MEGF10: variants seen among roughly 807,000 people sequenced by gnomAD.
The protein encoded by MEGF10 is multiple EGF like domains 10, also known as multiple epidermal growth factor-like domains protein 10.
Under a neutral mutation model 147.5 loss-of-function variants are expected in MEGF10, and 86 were observed. The observed-to-expected ratio is 0.58, with a 90% CI of 0.49 to 0.70. MEGF10 has a LOEUF of 0.70. Among genes scored for constraint, MEGF10 ranks in the 30% least tolerant of loss-of-function variants. The pLI is 0.00. For missense variants in MEGF10, 1,329 were observed against 1,487.3 expected (o/e 0.89, Z 1.75); for synonymous variants, 478 against 525.5 (o/e 0.91, Z 1.24).
intron 2 of MEGF10, among the ~76,000 whole-genome samples, chr5:127,337,497 C>T (rs760056240): frequency 2.0e-5 from 3 of 151,922 alleles, no homozygotes; most frequent in Non-Finnish European, 4.4e-5. Context: ...CTCAGGACAC[C>T]GCTAGGGTTC....
chr5:127,427,000 G>A (rs1323413424), intron 13 of MEGF10, among the ~76,000 whole-genome samples: 1 of 152,218 alleles, frequency 6.6e-6, no homozygotes, highest in Non-Finnish European at 1.5e-5. Context: ...AGATTATGGA[G>A]CCTCTGCCCA....
intron 8 of MEGF10, among the ~76,000 whole-genome samples, chr5:127,405,490 G>T (rs1438356193): frequency 6.6e-6 from 1 of 152,036 alleles, no homozygotes; most frequent in Non-Finnish European, 1.5e-5. Context: ...AAACTTTCAA[G>T]GTAATTTTAA....
In MEGF10 at chr5:127,410,536, T is replaced by C; in HGVS notation, c.1065T>C (p.Cys355=). ...GCGAGCGCTGCGAAGCACGCCTGTG[T>C]CCTGAGGGGCTCTACGGCATCAAAT... is the stretch of plus-strand genomic sequence containing the variant. ...FAGERCEARL[C]PEGLYGIKCD... Residue 355 remains cysteine (C), a synonymous_variant, in exon 9 of 25, where the codon TGT becomes TGC. Transcript: ENST00000503335. 6.2e-7 allele frequency: 1 copy of C among 1,613,604 alleles called. No individual in the cohort carries two copies.
At position 127,461,211 on chromosome 5, in the gene MEGF10, T is replaced by A. The variant is rs1766546898; in HGVS notation, c.*3893T>A. The A allele has an allele frequency of 6.6e-6, 1 of 152,340 alleles. No individual in the cohort carries two copies. The highest frequency in any genetic ancestry group is 2.4e-5 in the African/African-American group (1 of 41,578). The allele number at this position is 152,340 out of a possible 1,614,324, so 9.4% of individuals were successfully genotyped here. On this transcript the variant is annotated 3_prime_UTR_variant, in exon 25 of 25. Transcript: ENST00000503335. Reference sequence around the variant, plus strand: ...GTTTATAGATTAATGCAATAAACTTTCTAATAAAAAACTCTAGTGTTTCTT... The same window carrying A: ...GTTTATAGATTAATGCAATAAACTTACTAATAAAAAACTCTAGTGTTTCTT...
Position 127,452,625 on chromosome 5 carries a change from C to T in MEGF10, c.2981-1941C>T, listed in dbSNP as rs1766196519. On this transcript the variant is annotated intron_variant, in intron 22 of 24. Coordinates refer to ENST00000503335, the MANE Select transcript of MEGF10 (RefSeq NM_001256545.2). ...ACTCCCATCATGTAGACATGATTGA[C>T]CTTTAGTCTTTCCCCTTCCAGAGGT... 2.0e-5 allele frequency among the ~76,000 whole-genome samples: 3 copies of T among 152,106 alleles called. No individual in the cohort carries two copies. The South Asian group carries it at 6.2e-4, about 32-fold the overall frequency.
At chr5:127,401,014 C>A (rs180955669) in intron 7 of MEGF10, among the ~76,000 whole-genome samples, 62 of 152,220 alleles carry the variant, frequency 4.1e-4, no homozygotes, top group East Asian at 3.7e-3. Context: ...AAATCATGTC[C>A]TCTTTAAAGC....
chr5:127,425,089 T>C (rs1765165365), intron 13 of MEGF10, among the ~76,000 whole-genome samples: 1 of 152,184 alleles, frequency 6.6e-6, no homozygotes, highest in African/African-American at 2.4e-5. Flanking sequence ...GTCCACCTGC[T>C]TTGATGATTT....
chr5:127,322,680 T>C (rs1049384659), intron 1 of MEGF10, among the ~76,000 whole-genome samples: 5 of 152,230 alleles, frequency 3.3e-5, no homozygotes, highest in African/African-American at 1.2e-4. Flanking sequence ...GCAAAGCATT[T>C]GAAAAGTGTC....
the MEGF10 span, among the ~76,000 whole-genome samples, chr5:127,282,856 A>G: frequency 1.3e-5 from 2 of 152,208 alleles, no homozygotes; most frequent in Non-Finnish European, 2.9e-5. Context: ...AGTCAAATGA[A>G]TGCTCTCTCC....
At chr5:127,244,789 C>A in the MEGF10 span, among the ~76,000 whole-genome samples, 1 of 152,038 alleles carries the variant, frequency 6.6e-6, no homozygotes, top group African/African-American at 2.4e-5. Flanking sequence ...AAGCCTGGTT[C>A]AGATTTGCAA....
At chr5:127,265,447 G>C in the MEGF10 span, among the ~76,000 whole-genome samples, 1 of 152,010 alleles carries the variant, frequency 6.6e-6, no homozygotes, top group Non-Finnish European at 1.5e-5. Context: ...TAATGGGATG[G>C]CTGGGTCAAA....
At chr5:127,329,174 C>T (rs1454139807) in intron 1 of MEGF10, among the ~76,000 whole-genome samples, 1 of 152,130 alleles carries the variant, frequency 6.6e-6, no homozygotes, top group African/African-American at 2.4e-5. Context: ...GATTTTACAA[C>T]TTCATGATGC....
chr5:127,324,430 C>T (rs1473905668), intron 1 of MEGF10, among the ~76,000 whole-genome samples: 1 of 152,116 alleles, frequency 6.6e-6, no homozygotes, highest in African/African-American at 2.4e-5. Context: ...GAATATATAA[C>T]CAGGGGATTC....
chr5:127,247,861 G>A, the MEGF10 span, among the ~76,000 whole-genome samples: 52 of 152,200 alleles, frequency 3.4e-4, no homozygotes, highest in Non-Finnish European at 6.8e-4. Context: ...TCCAGAGAGG[G>A]AGAAGCAGTA....
intron 5 of MEGF10, among the ~76,000 whole-genome samples, chr5:127,372,129 T>A (rs1240481937): frequency 1.3e-5 from 2 of 152,198 alleles, no homozygotes; most frequent in Non-Finnish European, 2.9e-5. Context: ...ATGGCCTAAT[T>A]TCTAAGGATT....
chr5:127,397,241 A>C (rs1252050841), intron 6 of MEGF10, among the ~76,000 whole-genome samples: 2 of 152,226 alleles, frequency 1.3e-5, no homozygotes, highest in African/African-American at 4.8e-5. Context: ...GGAAGGTGTT[A>C]AAAATAATCC....
Position 127,440,746 on chromosome 5 carries a change from T to C in MEGF10, c.2241T>C (p.Pro747=). The C allele has an allele frequency of 6.2e-7, 1 of 1,614,040 alleles. No individual in the cohort carries two copies. Among genetic ancestry groups the C allele is most frequent in the African/African-American group, 1.3e-5 (1 of 75,046 alleles). The part of the protein sequence containing the change: ...WTGLYCTQRC[P]LGFYGKDCAL... The stretch of plus-strand genomic sequence containing the variant: ...TCCTCCCTCCTCCCACAGGATGTCC[T>C]CTAGGGTTTTATGGAAAAGATTGTG... The change falls in exon 18 of 25, where the codon CCT becomes CCC. Residue 747 remains proline, a synonymous_variant. Transcript: ENST00000503335.
chr5:127,419,230 T>C lies in MEGF10; in HGVS notation c.1416T>C (p.Thr472=), dbSNP rs1764891435. The C allele has an allele frequency of 1.2e-6, 2 of 1,613,074 alleles. No homozygotes were observed. The highest frequency in any genetic ancestry group is 1.7e-6 in the Non-Finnish European group (2 of 1,179,796). ...GCTCTCCTGTGGACGGGTCTTGTAC[T>C]TGCAAGGCAGGTAAGAATGGGTAAA... ...AVCSPVDGSC[T]CKAGWHGVDC... is the part of the protein sequence containing the mutation. Residue 472 remains threonine, a synonymous_variant, in exon 11 of 25, where the codon ACT becomes ACC. Coordinates refer to ENST00000503335, the MANE Select transcript of MEGF10 (RefSeq NM_001256545.2).
the MEGF10 span, among the ~76,000 whole-genome samples, chr5:127,280,292 C>T: frequency 2.0e-5 from 3 of 152,192 alleles, no homozygotes; most frequent in East Asian, 1.9e-4. Flanking sequence ...TTCAGATGTG[C>T]CTTCTCTCTG....
Sources: allele counts gnomAD v4.1 joint callset (sites outside exome capture counted in the v4.1 genomes callset), GRCh38; gene constraint gnomAD v4.1.1; transcripts MANE v1.5; gene names NCBI Gene and HGNC (gene_info 2026-07-23, HGNC 2026-07-21).